Variants in ST7 observed in about 807,000 individuals in gnomAD.
ST7 encodes suppression of tumorigenicity 7, also known as suppressor of tumorigenicity 7 protein.
Under a neutral mutation model 78.7 loss-of-function variants are expected in ST7, and 28 were observed. The ratio of observed to expected loss-of-function variants is 0.36; its 90% CI spans 0.26 to 0.49. ST7 has a LOEUF of 0.49. Among genes scored for constraint, ST7 ranks in the 20% least tolerant of loss-of-function variants. The pLI is 0.99. For synonymous variants in ST7, 247 were observed against 249.6 expected, an observed-to-expected ratio of 0.99 and a Z score of 0.10; for missense variants, 418 against 696.0, an observed-to-expected ratio of 0.60 and a Z score of 4.49.
chr7:117,069,562 G>T (rs1798818629), intron 1 of ST7, among the ~76,000 whole-genome samples: 1 of 152,152 alleles, frequency 6.6e-6, no homozygotes, highest in African/African-American at 2.4e-5. Flanking sequence ...TTGATGTCTA[G>T]CAAGAGACAA....
intron 1 of ST7, among the ~76,000 whole-genome samples, chr7:116,974,482 G>A (rs996298689): frequency 2.6e-5 from 4 of 151,878 alleles, no homozygotes; most frequent in African/African-American, 7.3e-5. Context: ...TAGTAGAGAC[G>A]GGGTTTCACC....
chr7:117,052,293 G>T (rs1286484469), intron 1 of ST7, among the ~76,000 whole-genome samples: 2 of 152,192 alleles, frequency 1.3e-5, no homozygotes, highest in Non-Finnish European at 2.9e-5. Flanking sequence ...TCCAGGACCT[G>T]TTGTACTAGC....
chr7:117,040,607 G>A (rs1797162931), intron 1 of ST7, among the ~76,000 whole-genome samples: 1 of 152,114 alleles, frequency 6.6e-6, no homozygotes, highest in Non-Finnish European at 1.5e-5. Context: ...AATTCTTTAG[G>A]GGATGGTCAT....
At chr7:117,201,461 A>G (rs1431089167) in intron 12 of ST7, among the ~76,000 whole-genome samples, 2 of 151,966 alleles carry the variant, frequency 1.3e-5, no homozygotes, top group Non-Finnish European at 2.9e-5. Flanking sequence ...CACCTAGGCC[A>G]CCAGATCTGT....
intron 1 of ST7, among the ~76,000 whole-genome samples, chr7:117,091,093 G>T (rs1800576407): frequency 6.6e-6 from 1 of 152,202 alleles, no homozygotes; most frequent in African/African-American, 2.4e-5. Flanking sequence ...ATCGGGAGTG[G>T]AAGGAAGAGT....
Position 117,230,123 on chromosome 7 carries a change from T to C in ST7, c.*266T>C, listed in dbSNP as rs1793696980. 3 of 594,886 alleles carry C rather than the reference T, an allele frequency of 5.0e-6. No individual in the cohort carries two copies. Among genetic ancestry groups the C allele is most frequent in the African/African-American group, 1.9e-5 (1 of 53,882 alleles). 36.9% of individuals were successfully genotyped at this position (594,886 alleles called of 1,614,324 possible). A position where few individuals can be genotyped will look rare whatever the true frequency, so the allele number is the denominator to read the frequency against. On this transcript the variant is annotated 3_prime_UTR_variant, in exon 16 of 16. Transcript: ENST00000323984. ...CAGCAATCATTTGTATCCTCCTGTG[T>C]CTTCCAACCCTAAAATTGTTGATGT...
chr7:117,081,301 TTTA>T (rs1261527125), intron 1 of ST7, among the ~76,000 whole-genome samples: 1 of 152,152 alleles, frequency 6.6e-6, no homozygotes, highest in Non-Finnish European at 1.5e-5. Flanking sequence ...CTTATTAATC[TTTA>T]TTAAGGCCAG....
At chr7:117,052,999 CTT>C (rs1214271847) in intron 1 of ST7, among the ~76,000 whole-genome samples, 1 of 152,202 alleles carries the variant, frequency 6.6e-6, no homozygotes, top group African/African-American at 2.4e-5. Flanking sequence ...CATTCTGACT[CTT>C]TTCTGTATCT....
intron 1 of ST7, among the ~76,000 whole-genome samples, chr7:116,995,206 T>C (rs1794598949): frequency 6.6e-6 from 1 of 152,142 alleles, no homozygotes; most frequent in African/African-American, 2.4e-5. Flanking sequence ...CAGAAAAGAA[T>C]CACCAACCCA....
intron 2 of ST7, chr7:117,118,378 T>C (rs977407888): frequency 6.6e-6 from 1 of 152,212 alleles, no homozygotes; most frequent in Non-Finnish European, 1.5e-5. Flanking sequence ...TGTCCTGTTA[T>C]AGGATTGGAA....
At position 117,129,859 on chromosome 7, in the gene ST7, G is replaced by C. The variant is rs772927323; in HGVS notation, c.449+12G>C. The C allele has an allele frequency of 2.0e-5, 32 of 1,606,380 alleles. No individual in the cohort carries two copies. The South Asian group carries it at 3.6e-4, about 18-fold the overall frequency. Reference sequence around the variant, plus strand: ...GCTGAATACAATCGGTAAGCATTTTGACAGCTTGGGAAACAAATGGGTCTG... The same window carrying C: ...GCTGAATACAATCGGTAAGCATTTTCACAGCTTGGGAAACAAATGGGTCTG... On this transcript the variant is annotated intron_variant, in intron 4 of 15. Transcript: ENST00000323984.
chr7:117,197,536 G>C (rs991136693), intron 12 of ST7, among the ~76,000 whole-genome samples: 3 of 152,164 alleles, frequency 2.0e-5, no homozygotes, highest in African/African-American at 7.2e-5. Flanking sequence ...GTTTAAATCA[G>C]CAGACAACTC....
intron 1 of ST7, among the ~76,000 whole-genome samples, chr7:117,032,471 T>G (rs1796653857): frequency 6.6e-6 from 1 of 152,174 alleles, no homozygotes; most frequent in African/African-American, 2.4e-5. Flanking sequence ...TTATCGACCT[T>G]TTTGAGACTC....
chr7:117,031,740 G>GCATATA lies in ST7; in HGVS notation c.152-68022_152-68021insCATATA, dbSNP rs1563026370. The stretch of plus-strand genomic sequence containing the variant: ...TATATATGCATATATATGCATATAT[G>GCATATA]TGTATATATATGCATATATGTGTAT... On this transcript the variant is annotated intron_variant, in intron 1 of 15. Coordinates refer to ENST00000323984, the MANE Select transcript of ST7 (RefSeq NM_001369598.1). 5.2e-4 allele frequency among the ~76,000 whole-genome samples: 2 copies of GCATATA among 3,834 alleles called. 1 individual carries two copies. The highest frequency in any genetic ancestry group is 2.5e-3 in the African/African-American group (2 of 786). The allele number at this position is 3,834 out of a possible 152,430, so 2.5% of individuals were successfully genotyped here.
chr7:117,011,813 AG>A (rs1363125996), intron 1 of ST7, among the ~76,000 whole-genome samples: 2 of 152,154 alleles, frequency 1.3e-5, no homozygotes, highest in Admixed American at 1.3e-4. Flanking sequence ...TTGTTTGGGA[AG>A]GGGGCATCTA....
At chr7:117,217,764 C>T (rs1792802045) in intron 13 of ST7, among the ~76,000 whole-genome samples, 1 of 152,192 alleles carries the variant, frequency 6.6e-6, no homozygotes, top group African/African-American at 2.4e-5. Context: ...AACATTTTTA[C>T]CTCAGCAAAC....
chr7:117,058,250 A>T (rs1249164047), intron 1 of ST7, among the ~76,000 whole-genome samples: 2 of 152,174 alleles, frequency 1.3e-5, no homozygotes, highest in Non-Finnish European at 2.9e-5. Flanking sequence ...TGCTTTGTGC[A>T]CAAGAGCGGT....
chr7:117,163,861 C>T (rs1201633117), intron 9 of ST7, among the ~76,000 whole-genome samples: 1 of 152,008 alleles, frequency 6.6e-6, no homozygotes, highest in Non-Finnish European at 1.5e-5. Flanking sequence ...AAAATATTTT[C>T]CCAGACCAAT....
intron 10 of ST7, among the ~76,000 whole-genome samples, chr7:117,180,296 A>C (rs1300756670): frequency 6.6e-6 from 1 of 152,180 alleles, no homozygotes; most frequent in Non-Finnish European, 1.5e-5. Context: ...AGGAGAAAAA[A>C]TGTGGAAGAG....
Sources: allele counts gnomAD v4.1 joint callset (sites outside exome capture counted in the v4.1 genomes callset), GRCh38; gene constraint gnomAD v4.1.1; transcripts MANE v1.5; gene names NCBI Gene and HGNC (gene_info 2026-07-23, HGNC 2026-07-21).